NUP210: variants seen among roughly 807,000 people sequenced by gnomAD.
NUP210 encodes nucleoporin 210, also known as nuclear pore membrane glycoprotein 210.
A neutral mutation model predicts 196.0 loss-of-function variants in NUP210; 151 were observed. That is an observed-to-expected ratio of 0.77 (90% CI 0.67 to 0.88). NUP210 has a LOEUF of 0.88. Ranked by LOEUF, NUP210 falls within the 40% of genes least tolerant of loss-of-function variation. The pLI is 0.00. For missense variants in NUP210, 2,314 were observed against 2,493.7 expected, an observed-to-expected ratio of 0.93 and a Z score of 1.53; for synonymous variants, 1,070 against 1,052.7, an observed-to-expected ratio of 1.02 and a Z score of -0.32.
intron 28 of NUP210, 130 bp from the exon 29 acceptor site, chr3:13,332,514 A>C: frequency 1.4e-6 from 1 of 696,410 alleles, no homozygotes; most frequent in Non-Finnish European, 2.5e-6. Flanking sequence ...CTCGTCTGTC[A>C]GGTCACTGAT....
chr3:13,397,245 G>A (rs1308973043), intron 3 of NUP210, 112 bp downstream of exon 3: 7 of 1,310,982 alleles, frequency 5.3e-6, no homozygotes, highest in East Asian at 5.3e-5. Context: ...GCCCTCTAGG[G>A]ACCTGCAGGG....
At chr3:13,339,402 G>C (rs916889080) in intron 25 of NUP210, among the ~76,000 whole-genome samples, 3 of 152,202 alleles carry the variant, frequency 2.0e-5, no homozygotes, top group Admixed American at 6.5e-5. Flanking sequence ...GCTGTGAGTG[G>C]AACCCCAAAG....
intron 13 of NUP210, among the ~76,000 whole-genome samples, chr3:13,367,720 G>A (rs538490966): frequency 6.6e-6 from 1 of 152,310 alleles, no homozygotes; most frequent in Non-Finnish European, 1.5e-5. Context: ...GTGTTCATGG[G>A]ATTTCTCATT....
At chr3:13,388,604 G>T in intron 4 of NUP210, 151 bp from the exon 5 acceptor site, 1 of 717,254 alleles carries the variant, frequency 1.4e-6, no homozygotes, top group Non-Finnish European at 2.2e-6. Flanking sequence ...GCTGCCTAGA[G>T]ACACGGCCCT....
In NUP210 at chr3:13,327,332, C is replaced by T. The variant is rs149051209; in HGVS notation, c.4392G>A (p.Pro1464=). Residue 1464 remains proline (P), a synonymous_variant, in exon 32 of 40, where the codon CCG becomes CCA. Transcript: ENST00000254508. ...TLLRVWDAEH[P]GLSDFMPLPV... The stretch of plus-strand genomic sequence containing the variant: ...GCAGGGGCATGAAGTCCGAGAGGCC[C>T]GGGTGCTCTGCGTCCCACACACGGA... 2.6e-5 allele frequency: 42 copies of T among 1,613,258 alleles called. No homozygotes were observed. The highest frequency in any genetic ancestry group is 5.3e-5 in the African/African-American group (4 of 74,928).
Position 13,353,635 on chromosome 3 carries a change from C to G in NUP210, c.2547G>C (p.Glu849Asp). ...CAGTGATGGCTGTGGTTCCTGATGC[C>G]TCGTGAACCAAAATGGCCTGCAAAC... ...LHGLQAILVH[E>D]ASGTTAITAT... Residue 849 changes from glutamate to aspartate, a missense_variant, in exon 18 of 40, where the codon GAG (glutamate) becomes GAC (aspartate). Glu to Asp is a conservative substitution (Grantham distance 45). Transcript: ENST00000254508. The G allele has an allele frequency of 1.9e-6, 3 of 1,614,082 alleles. No homozygotes were observed. The highest frequency in any genetic ancestry group is 1.3e-5 in the African/African-American group (1 of 74,998).
At chr3:13,397,085 C>T (rs1254794980) in intron 3 of NUP210, among the ~76,000 whole-genome samples, 1 of 152,194 alleles carries the variant, frequency 6.6e-6, no homozygotes, top group Non-Finnish European at 1.5e-5. Context: ...AGAGCCACAG[C>T]TCTGAGCACA....
chr3:13,400,650 T>C (rs1699804937), intron 1 of NUP210, among the ~76,000 whole-genome samples: 1 of 152,200 alleles, frequency 6.6e-6, no homozygotes, highest in African/African-American at 2.4e-5. Flanking sequence ...GCATGTGCTG[T>C]CTACAGACAG....
rs767524664 is a variant in NUP210, at chr3:13,379,719, G to A, written c.820C>T (p.Leu274Phe). 5 of 1,565,040 alleles carry A rather than the reference G, an allele frequency of 3.2e-6. No homozygotes were observed. The highest frequency in any genetic ancestry group is 2.8e-5 in the African/African-American group (2 of 72,274). Residue 274 changes from leucine (L) to phenylalanine (F), a missense_variant and splice_region_variant, in exon 7 of 40, where the codon CTC becomes TTC. Leu to Phe is a conservative substitution (Grantham distance 22, BLOSUM62 0). Transcript: ENST00000254508. The surrounding 1 kb of genome is among the most constrained non-coding windows in gnomAD (Gnocchi z 4.2). ...QKIRQGKITE[L>F]SMPSDQYELQ... ...TCGTACTGATCGGAAGGCATGGAGA[G>A]TTCTGGCCACCAAGAAACAAAAAAT...
At chr3:13,386,963 C>T (rs1398261782) in intron 5 of NUP210, among the ~76,000 whole-genome samples, 1 of 152,250 alleles carries the variant, frequency 6.6e-6, no homozygotes, top group East Asian at 1.9e-4. Flanking sequence ...CTGTCTAGTG[C>T]ACCCTTAGGT....
intron 31 of NUP210, among the ~76,000 whole-genome samples, chr3:13,328,114 C>T (rs1696850602): frequency 6.6e-6 from 1 of 152,246 alleles, no homozygotes; most frequent in African/African-American, 2.4e-5. Context: ...CCAGAATGAC[C>T]TGCAGTGCAG....
intron 1 of NUP210, among the ~76,000 whole-genome samples, chr3:13,409,839 A>ATTT (rs146104434): frequency 8.1e-5 from 10 of 123,082 alleles, no homozygotes; most frequent in African/African-American, 2.6e-4. Context: ...CCTGAATACT[A>ATTT]ATTTTTTTTT....
intron 33 of NUP210, among the ~76,000 whole-genome samples, chr3:13,324,711 G>A (rs1300087273): frequency 2.6e-5 from 4 of 152,064 alleles, no homozygotes; most frequent in Non-Finnish European, 5.9e-5. Flanking sequence ...CTGCTCTCTC[G>A]AGCTCCTCCA....
chr3:13,379,084 GAGA>G lies in NUP210; in HGVS notation c.977-107_977-105del, dbSNP rs1488234330. The G allele has an allele frequency of 7.2e-6, 7 of 972,962 alleles. No individual in the cohort carries two copies. Among genetic ancestry groups the G allele is most frequent in the East Asian group, 2.4e-5 (1 of 41,406 alleles). 60.3% of individuals were successfully genotyped at this position (972,962 alleles called of 1,614,324 possible). A position where few individuals can be genotyped will look rare whatever the true frequency, so the allele number is the denominator to read the frequency against. On this transcript the variant is annotated intron_variant, in intron 7 of 39. Coordinates refer to ENST00000254508, the MANE Select transcript of NUP210 (RefSeq NM_024923.4). The surrounding 1 kb of genome is among the most constrained non-coding windows in gnomAD (Gnocchi z 4.2). Reference sequence around the variant, plus strand: ...CCTGATCATCAAGACATCACATGGAGAGAAGAAGAGGGGATGAAAACTCCCCTG... The same window carrying G: ...CCTGATCATCAAGACATCACATGGAGAGAAGAGGGGATGAAAACTCCCCTG...
chr3:13,368,545 C>T (rs1698619522), intron 13 of NUP210, among the ~76,000 whole-genome samples: 1 of 152,236 alleles, frequency 6.6e-6, no homozygotes, highest in South Asian at 2.1e-4. Context: ...CTTCAACTTA[C>T]AAAACTGAAA....
intron 39 of NUP210, 141 bp from the exon 40 acceptor site, chr3:13,317,922 G>T: frequency 1.6e-6 from 1 of 630,082 alleles, no homozygotes; most frequent in South Asian, 1.9e-5. Flanking sequence ...GGCCAGCAGA[G>T]GGAAGTCCAC....
chr3:13,319,616 C>T, intron 37 of NUP210, 147 bp downstream of exon 37: 2 of 735,562 alleles, frequency 2.7e-6, no homozygotes, highest in Non-Finnish European at 4.6e-6. Flanking sequence ...CATCATGGCC[C>T]CAATGAGCAG....
chr3:13,418,923 T>C (rs972585553), intron 1 of NUP210, among the ~76,000 whole-genome samples: 7 of 119,302 alleles, frequency 5.9e-5, no homozygotes, highest in African/African-American at 2.3e-4. Flanking sequence ...CACGTCAGCA[T>C]GGACGACAAA....
chr3:13,377,334 C>T (rs1698946589), intron 9 of NUP210, 122 bp downstream of exon 9: 1 of 702,578 alleles, frequency 1.4e-6, no homozygotes, highest in African/African-American at 1.8e-5. Flanking sequence ...CCACTAGAAA[C>T]AGGACCCCTC....
Sources: gnomAD v4.1 joint callset for allele counts (sites outside exome capture counted in the v4.1 genomes callset) on GRCh38, gnomAD v4.1.1 for gene constraint, Gnocchi (gnomAD v3.1) non-coding constraint, MANE v1.5 for transcripts, NCBI Gene and HGNC (gene_info 2026-07-23, HGNC 2026-07-21) for gene names.